Variants in RFTN2 observed in about 807,000 individuals in gnomAD.
RFTN2 encodes raftlin-2.
RFTN2 carries 34 observed loss-of-function variants against 52.7 expected under a neutral mutation model. The observed-to-expected ratio is 0.64, with a 90% CI of 0.49 to 0.86. The LOEUF (loss-of-function observed/expected upper bound fraction) is 0.86, where lower values mean the gene tolerates loss of function less well. Among genes scored for constraint, RFTN2 ranks in the 40% least tolerant of loss-of-function variants. The pLI, the probability that RFTN2 is intolerant of heterozygous loss-of-function variation, is 0.00. For synonymous variants in RFTN2, 203 were observed against 217.7 expected, an observed-to-expected ratio of 0.93 and a Z score of 0.59; for missense variants, 536 against 600.1, an observed-to-expected ratio of 0.89 and a Z score of 1.12.
chr2:197,597,272 T>C (rs911781447), intron 7 of RFTN2, among the ~76,000 whole-genome samples: 2 of 152,296 alleles, frequency 1.3e-5, no homozygotes, highest in South Asian at 2.1e-4. Context: ...TTATCTTTGA[T>C]TGGAACAAAA....
intron 4 of RFTN2, among the ~76,000 whole-genome samples, chr2:197,631,519 A>G (rs995602709): frequency 2.6e-5 from 4 of 152,222 alleles, no homozygotes; most frequent in Non-Finnish European, 5.9e-5. Context: ...TTATATAACC[A>G]TAAATGATGT....
intron 7 of RFTN2, among the ~76,000 whole-genome samples, chr2:197,615,202 A>C (rs925520364): frequency 2.6e-5 from 4 of 152,182 alleles, no homozygotes; most frequent in African/African-American, 9.7e-5. Flanking sequence ...AATCACTCAG[A>C]ATGTTGAACC....
At chr2:197,606,201 A>T (rs2087959919) in intron 7 of RFTN2, among the ~76,000 whole-genome samples, 1 of 152,148 alleles carries the variant, frequency 6.6e-6, no homozygotes, top group South Asian at 2.1e-4. Flanking sequence ...TTGAGAATAC[A>T]TGCTCTAGAC....
chr2:197,641,216 G>A (rs1014515461), intron 3 of RFTN2, among the ~76,000 whole-genome samples: 1 of 152,176 alleles, frequency 6.6e-6, no homozygotes, highest in African/African-American at 2.4e-5. Context: ...AGTCAATGGG[G>A]GCAACTTAAT....
intron 7 of RFTN2, among the ~76,000 whole-genome samples, chr2:197,604,056 A>C: frequency 6.6e-6 from 1 of 152,240 alleles, no homozygotes; most frequent in East Asian, 1.9e-4. Flanking sequence ...GCAAGTAATT[A>C]GGAAACTACA....
intron 3 of RFTN2, among the ~76,000 whole-genome samples, chr2:197,643,587 G>A (rs1263810497): frequency 6.6e-6 from 1 of 151,892 alleles, no homozygotes; most frequent in Admixed American, 6.6e-5. Context: ...CATTTAAGAC[G>A]GCATATTACT....
chr2:197,646,879 A>C (rs2088758278), intron 1 of RFTN2, among the ~76,000 whole-genome samples: 1 of 114,008 alleles, frequency 8.8e-6, no homozygotes, highest in Non-Finnish European at 1.7e-5. Flanking sequence ...ACAGGAACAT[A>C]GTAGGACATT....
chr2:197,608,569 C>T (rs2087999521), intron 7 of RFTN2, among the ~76,000 whole-genome samples: 1 of 151,084 alleles, frequency 6.6e-6, no homozygotes, highest in African/African-American at 2.4e-5. Flanking sequence ...CTTCTTTGGC[C>T]TCCCAAAGTG....
chr2:197,632,899 T>C (rs1164230248), intron 4 of RFTN2, among the ~76,000 whole-genome samples: 1 of 152,212 alleles, frequency 6.6e-6, no homozygotes, highest in Non-Finnish European at 1.5e-5. Flanking sequence ...ATAGAGTTTA[T>C]TCTGTACCAG....
At chr2:197,612,705 T>C (rs2088082913) in intron 7 of RFTN2, among the ~76,000 whole-genome samples, 1 of 152,244 alleles carries the variant, frequency 6.6e-6, no homozygotes, top group East Asian at 1.9e-4. Flanking sequence ...GACGTTTCCA[T>C]GGTAATGCAG....
intron 1 of RFTN2, among the ~76,000 whole-genome samples, chr2:197,672,805 A>G (rs2089164910): frequency 6.6e-6 from 1 of 152,116 alleles, no homozygotes; most frequent in Non-Finnish European, 1.5e-5. Flanking sequence ...TTTCTCCTAT[A>G]GAGATGTAAA....
intron 5 of RFTN2, among the ~76,000 whole-genome samples, chr2:197,624,122 A>C (rs1418146934): frequency 1.3e-5 from 2 of 152,150 alleles, no homozygotes; most frequent in African/African-American, 4.8e-5. Context: ...CTTAAAATGG[A>C]ATCTACTCCT....
intron 6 of RFTN2, 56 bp downstream of exon 6, chr2:197,617,744 T>C: frequency 1.7e-6 from 1 of 601,390 alleles, no homozygotes. Flanking sequence ...CATATATATA[T>C]ATTATATATT....
chr2:197,643,250 A>AT lies in RFTN2; in HGVS notation c.438+907dup, dbSNP rs561964140. 4.0e-5 allele frequency among the ~76,000 whole-genome samples: 6 copies of AT among 150,536 alleles called. No individual in the cohort carries two copies. The East Asian group carries it at 5.9e-4, about 15-fold the overall frequency. The stretch of plus-strand genomic sequence containing the variant: ...AGGCATGTGCCACCACGTCCTGCTG[A>AT]TTTTTTTTTCTTTCAGGTTTTGTAG... On this transcript the variant is annotated intron_variant, in intron 3 of 8. Coordinates refer to ENST00000295049, the MANE Select transcript of RFTN2 (RefSeq NM_144629.3).
intron 3 of RFTN2, among the ~76,000 whole-genome samples, chr2:197,634,497 A>G (rs1215707518): frequency 1.3e-5 from 2 of 152,108 alleles, no homozygotes; most frequent in African/African-American, 4.8e-5. Flanking sequence ...ATGTGTAGGT[A>G]TAAAGCACAA....
chr2:197,647,197 A>C (rs2088765637), intron 1 of RFTN2, among the ~76,000 whole-genome samples: 1 of 152,170 alleles, frequency 6.6e-6, no homozygotes, highest in African/African-American at 2.4e-5. Context: ...ATGACTAAAC[A>C]AGATGAGATG....
intron 5 of RFTN2, among the ~76,000 whole-genome samples, chr2:197,622,259 G>C (rs1162664862): frequency 6.6e-6 from 1 of 152,178 alleles, no homozygotes; most frequent in Non-Finnish European, 1.5e-5. Flanking sequence ...ATCCAGCTAA[G>C]AGAATAGATA....
At chr2:197,588,249 C>T (rs904852715) in intron 8 of RFTN2, among the ~76,000 whole-genome samples, 6 of 152,246 alleles carry the variant, frequency 3.9e-5, no homozygotes, top group Admixed American at 6.5e-5. Context: ...TGCACACAGA[C>T]GATGTATAGA....
At chr2:197,658,323 T>C (rs997216035) in intron 1 of RFTN2, among the ~76,000 whole-genome samples, 7 of 152,140 alleles carry the variant, frequency 4.6e-5, no homozygotes, top group Admixed American at 3.9e-4. Flanking sequence ...CAGGTTGGAC[T>C]GCAATGGCGC....
Sources: gnomAD v4.1 joint callset for allele counts (sites outside exome capture counted in the v4.1 genomes callset) on GRCh38, gnomAD v4.1.1 for gene constraint, MANE v1.5 for transcripts, NCBI Gene and HGNC (gene_info 2026-07-23, HGNC 2026-07-21) for gene names.